The following LHFPL6 variants were observed in gnomAD, a reference collection of about 807,000 sequenced individuals.
LHFPL6 encodes the protein LHFPL tetraspan subfamily member 6 protein.
LHFPL6 carries 9 observed loss-of-function variants against 20.6 expected under a neutral mutation model. The ratio of observed to expected loss-of-function variants is 0.44; its 90% CI spans 0.26 to 0.76. The LOEUF (loss-of-function observed/expected upper bound fraction) is 0.76. Among genes scored for constraint, LHFPL6 ranks in the 30% least tolerant of loss-of-function variants. LHFPL6 has a pLI of 0.20. For synonymous variants in LHFPL6, 105 were observed against 98.7 expected, an observed-to-expected ratio of 1.06 and a Z score of -0.38; for missense variants, 218 against 253.5, an observed-to-expected ratio of 0.86 and a Z score of 0.95.
chr13:39,396,503 G>T (rs1319445453), intron 2 of LHFPL6, among the ~76,000 whole-genome samples: 1 of 152,108 alleles, frequency 6.6e-6, no homozygotes, highest in East Asian at 1.9e-4. Context: ...GTCCTTATAA[G>T]AAGACAGCCA....
chr13:39,349,286 C>G (rs188394648), intron 3 of LHFPL6, among the ~76,000 whole-genome samples: 188 of 152,090 alleles, frequency 1.2e-3, no homozygotes, highest in African/African-American at 3.7e-3. Flanking sequence ...ATCAAAGTAG[C>G]CTCAAAAAAT....
intron 2 of LHFPL6, among the ~76,000 whole-genome samples, chr13:39,386,578 C>T (rs1373966611): frequency 6.6e-6 from 1 of 152,222 alleles, no homozygotes; most frequent in Admixed American, 6.5e-5. Context: ...ACTCCACAGT[C>T]ACACACTCAC....
chr13:39,578,949 C>G (rs1399595759), intron 2 of LHFPL6, among the ~76,000 whole-genome samples: 1 of 152,172 alleles, frequency 6.6e-6, no homozygotes, highest in African/African-American at 2.4e-5. Context: ...GTGAAGGGAA[C>G]AGCGTTCAGC....
At chr13:39,593,255 A>T (rs1872666227) in intron 2 of LHFPL6, among the ~76,000 whole-genome samples, 1 of 152,240 alleles carries the variant, frequency 6.6e-6, no homozygotes, top group Admixed American at 6.5e-5. Flanking sequence ...CCTTAAGCTG[A>T]TAGGCAACTT....
At chr13:39,594,717 C>T (rs1393895943) in intron 2 of LHFPL6, among the ~76,000 whole-genome samples, 1 of 152,144 alleles carries the variant, frequency 6.6e-6, no homozygotes, top group Non-Finnish European at 1.5e-5. Context: ...GGAACCAACC[C>T]AAATGTCCAA....
chr13:39,423,472 G>A (rs1448401949), intron 2 of LHFPL6, among the ~76,000 whole-genome samples: 2 of 151,778 alleles, frequency 1.3e-5, no homozygotes, highest in East Asian at 1.9e-4. Flanking sequence ...TGCCCAGGCT[G>A]GAACACAGTG....
chr13:39,488,652 G>A (rs9566441), intron 2 of LHFPL6, among the ~76,000 whole-genome samples: 33,550 of 151,930 alleles, frequency 0.22, 5,702 homozygotes, highest in East Asian at 0.72. Flanking sequence ...ATCATGTAAT[G>A]CATAATTATT....
At position 39,601,365 on chromosome 13, in the gene LHFPL6, A is replaced by G; in HGVS notation, c.-149T>C. The stretch of plus-strand genomic sequence containing the variant: ...CAGTCTTACTGGGCATCAACTTTCC[A>G]TCCTCTGCACTAAAGATGATGGTCC... On this transcript the variant is annotated 5_prime_UTR_variant, in exon 2 of 4. An upstream start codon of the reference 5' UTR is lost. Transcript: ENST00000379589. 1 of 693,906 alleles carries G rather than the reference A, an allele frequency of 1.4e-6. No individual in the cohort carries two copies. The highest frequency in any genetic ancestry group is 1.8e-5 in the African/African-American group (1 of 56,300). The allele number at this position is 693,906 out of a possible 1,614,324, so 43.0% of individuals were successfully genotyped here.
chr13:39,421,576 T>A (rs1196885145), intron 2 of LHFPL6, among the ~76,000 whole-genome samples: 1 of 152,232 alleles, frequency 6.6e-6, no homozygotes, highest in African/African-American at 2.4e-5. Flanking sequence ...AAAATTATCA[T>A]CATTTCCAAT....
At chr13:39,447,473 C>T (rs1231721132) in intron 2 of LHFPL6, among the ~76,000 whole-genome samples, 10 of 152,082 alleles carry the variant, frequency 6.6e-5, no homozygotes, top group East Asian at 1.9e-4. Flanking sequence ...TAAGATCAGA[C>T]CTGGAATTCT....
chr13:39,575,153 C>T (rs927113396), intron 2 of LHFPL6, among the ~76,000 whole-genome samples: 2 of 152,126 alleles, frequency 1.3e-5, no homozygotes, highest in African/African-American at 2.4e-5. Context: ...CAGGATACCT[C>T]ATCAAATGAA....
intron 2 of LHFPL6, among the ~76,000 whole-genome samples, chr13:39,541,580 T>A (rs1396427688): frequency 3.9e-5 from 6 of 152,172 alleles, no homozygotes; most frequent in Non-Finnish European, 1.5e-5. Flanking sequence ...GTGCACAGAC[T>A]TTACTAATTA....
intron 2 of LHFPL6, among the ~76,000 whole-genome samples, chr13:39,500,869 C>T (rs1169993929): frequency 1.3e-5 from 2 of 152,144 alleles, no homozygotes; most frequent in Non-Finnish European, 2.9e-5. Flanking sequence ...GATTGTGTCT[C>T]TCAGACCAGT....
At chr13:39,537,554 T>G (rs530643426) in intron 2 of LHFPL6, among the ~76,000 whole-genome samples, 1 of 152,346 alleles carries the variant, frequency 6.6e-6, no homozygotes, top group East Asian at 1.9e-4. Flanking sequence ...CTAAATGTAC[T>G]TGTTAACTTA....
rs1871810725 is a variant in LHFPL6, at chr13:39,568,790, T to TC, written c.385+32041dup. 2.6e-5 allele frequency among the ~76,000 whole-genome samples: 4 copies of TC among 152,258 alleles called. No homozygotes were observed. In the South Asian group the frequency reaches 8.3e-4, roughly 32 times the overall value. The stretch of plus-strand genomic sequence containing the variant: ...AGTTTAGGTGGAGGCCAGTGCTACC[T>TC]CCAGAGATGGACTCTTGCTTTGCTT... On this transcript the variant is annotated intron_variant, in intron 2 of 3. Coordinates refer to ENST00000379589, the MANE Select transcript of LHFPL6 (RefSeq NM_005780.3).
intron 2 of LHFPL6, among the ~76,000 whole-genome samples, chr13:39,502,665 A>C (rs1869333463): frequency 6.6e-6 from 1 of 152,068 alleles, no homozygotes; most frequent in South Asian, 2.1e-4. Flanking sequence ...GTGAGGGTGA[A>C]GCTGGAACAC....
intron 2 of LHFPL6, among the ~76,000 whole-genome samples, chr13:39,493,582 AC>A (rs1260759858): frequency 2.0e-5 from 3 of 152,170 alleles, no homozygotes; most frequent in Admixed American, 2.0e-4. Flanking sequence ...CAAAACCAAA[AC>A]CTGTTGCATA....
intron 2 of LHFPL6, among the ~76,000 whole-genome samples, chr13:39,433,353 T>G (rs373209482): frequency 6.6e-6 from 1 of 152,202 alleles, no homozygotes; most frequent in Admixed American, 6.5e-5. Flanking sequence ...TGGCATTTTT[T>G]GGGGATCAAG....
intron 3 of LHFPL6, among the ~76,000 whole-genome samples, chr13:39,346,979 C>T (rs1384781196): frequency 6.6e-6 from 1 of 151,476 alleles, no homozygotes; most frequent in African/African-American, 2.4e-5. Flanking sequence ...GCACAAGTGG[C>T]CCACCCATAA....
Sources: gnomAD v4.1 joint callset for allele counts (sites outside exome capture counted in the v4.1 genomes callset) on GRCh38, gnomAD v4.1.1 for gene constraint, MANE v1.5 for transcripts, NCBI Gene and HGNC (gene_info 2026-07-23, HGNC 2026-07-21) for gene names.